The following RBFOX2 variants were observed in gnomAD, a reference collection of about 807,000 sequenced individuals.
RBFOX2 encodes RNA binding fox-1 homolog 2, also known as RNA binding protein fox-1 homolog 2.
A neutral mutation model predicts 49.1 loss-of-function variants in RBFOX2; 10 were observed. The ratio of observed to expected loss-of-function variants is 0.20; its 90% CI spans 0.13 to 0.35. RBFOX2 has a LOEUF of 0.35. RBFOX2 is among the 10% of genes least tolerant of loss of function. RBFOX2 has a pLI of 1.00. For synonymous variants in RBFOX2, 183 were observed against 187.4 expected (o/e 0.98, Z 0.19); for missense variants, 323 against 486.9 (o/e 0.66, Z 3.17).
intron 1 of RBFOX2, among the ~76,000 whole-genome samples, chr22:35,875,209 A>G (rs778361482): frequency 6.6e-6 from 1 of 152,230 alleles, no homozygotes; most frequent in East Asian, 1.9e-4. Flanking sequence ...AGACTAAGAT[A>G]ATGAGCATTA....
At chr22:35,995,022 C>T (rs918630450) in intron 1 of RBFOX2, 1 of 152,130 alleles carries the variant, frequency 6.6e-6, no homozygotes, top group African/African-American at 2.4e-5. Flanking sequence ...CTCATTTGAG[C>T]AGGTCCCAAG....
At chr22:35,897,341 C>T (rs2047978276) in intron 1 of RBFOX2, 2 of 1,367,188 alleles carry the variant, frequency 1.5e-6, no homozygotes, top group Admixed American at 3.4e-5. Context: ...GAAGCCGCAG[C>T]ACCTCAATGG....
At chr22:35,923,542 C>T (rs2149605501) in intron 1 of RBFOX2, among the ~76,000 whole-genome samples, 1 of 152,086 alleles carries the variant, frequency 6.6e-6, no homozygotes, top group East Asian at 1.9e-4. Flanking sequence ...TGGCTAACTT[C>T]CAAATCTTTT....
At chr22:35,775,122 ACTT>A (rs1028684575) in intron 4 of RBFOX2, among the ~76,000 whole-genome samples, 2 of 152,166 alleles carry the variant, frequency 1.3e-5, no homozygotes, top group Non-Finnish European at 2.9e-5. Context: ...AAGAAACTAA[ACTT>A]AATTCACAAA....
At chr22:36,012,714 A>C (rs939038404) in intron 1 of RBFOX2, among the ~76,000 whole-genome samples, 2 of 152,198 alleles carry the variant, frequency 1.3e-5, no homozygotes, top group African/African-American at 4.8e-5. Context: ...TTAAAAAAAT[A>C]GATTGTATAA....
At chr22:35,772,840 C>G (rs1246634370) in intron 4 of RBFOX2, among the ~76,000 whole-genome samples, 1 of 151,972 alleles carries the variant, frequency 6.6e-6, no homozygotes, top group Non-Finnish European at 1.5e-5. Context: ...CAATAAATAA[C>G]TAGCAATAGA....
chr22:35,897,121 T>C (rs2149416534), intron 1 of RBFOX2: 1 of 518,532 alleles, frequency 1.9e-6, no homozygotes, highest in African/African-American at 1.9e-5. Flanking sequence ...TCATTCTTTT[T>C]TTTTCTTTTT....
At chr22:35,822,617 A>C (rs1954764183) in intron 1 of RBFOX2, among the ~76,000 whole-genome samples, 2 of 152,166 alleles carry the variant, frequency 1.3e-5, no homozygotes, top group Non-Finnish European at 2.9e-5. Context: ...TCAGTATAAG[A>C]CAGAGAAGAG....
At chr22:35,882,255 C>T (rs889687921) in intron 1 of RBFOX2, among the ~76,000 whole-genome samples, 10 of 151,960 alleles carry the variant, frequency 6.6e-5, no homozygotes, top group African/African-American at 2.2e-4. Flanking sequence ...AATTAGAGAA[C>T]GAAGTGATCA....
intron 1 of RBFOX2, among the ~76,000 whole-genome samples, chr22:35,931,249 A>C (rs2052361488): frequency 6.6e-6 from 1 of 151,978 alleles, no homozygotes; most frequent in Non-Finnish European, 1.5e-5. Flanking sequence ...TAGACAACCT[A>C]ACAGGGGGGA....
chr22:35,776,169 C>A (rs1943876102), intron 4 of RBFOX2, among the ~76,000 whole-genome samples: 1 of 152,110 alleles, frequency 6.6e-6, no homozygotes, highest in South Asian at 2.1e-4. Flanking sequence ...TATCTCTAAA[C>A]CACTGTCATT....
intron 1 of RBFOX2, among the ~76,000 whole-genome samples, chr22:35,870,183 T>C (rs2044189599): frequency 6.6e-6 from 1 of 152,014 alleles, no homozygotes; most frequent in African/African-American, 2.4e-5. Context: ...AACAATAAAA[T>C]TGGAACGCAG....
intron 1 of RBFOX2, among the ~76,000 whole-genome samples, chr22:35,968,910 C>T (rs532793825): frequency 6.6e-6 from 1 of 152,290 alleles, no homozygotes; most frequent in East Asian, 1.9e-4. Context: ...GATTTTCCTC[C>T]AAGGTCTACT....
upstream of RBFOX2, among the ~76,000 whole-genome samples, chr22:35,943,122 A>G (rs2053884177): frequency 6.6e-6 from 1 of 152,230 alleles, no homozygotes; most frequent in East Asian, 1.9e-4. Context: ...CTACTTCATG[A>G]CAACTATTAG....
intron 2 of RBFOX2, among the ~76,000 whole-genome samples, chr22:35,805,357 A>T (rs1401681035): frequency 6.6e-6 from 1 of 152,034 alleles, no homozygotes; most frequent in Non-Finnish European, 1.5e-5. Context: ...ATAAGATATA[A>T]AGATAGCAAA....
chr22:36,024,817 A>AT (rs2059372041), intron 1 of RBFOX2, among the ~76,000 whole-genome samples: 1 of 151,584 alleles, frequency 6.6e-6, no homozygotes, highest in African/African-American at 2.4e-5. Context: ...GATTTTTTTT[A>AT]TTTTTTTGAG....
At chr22:35,943,622 G>A (rs1193162643), upstream of RBFOX2, among the ~76,000 whole-genome samples, 2 of 152,172 alleles carry the variant, frequency 1.3e-5, no homozygotes, top group East Asian at 3.9e-4. Flanking sequence ...CTGCTGGCCA[G>A]GCGCGGTGGC....
rs184518642 is a variant in RBFOX2 at position 35,853,112 on chromosome 22, G to A, written c.-33-43108C>T. Among the ~76,000 whole-genome samples the A allele has an allele frequency of 2.0e-3, 303 of 151,866 alleles. 1 individual carries two copies. The highest frequency in any genetic ancestry group is 2.9e-3 in the South Asian group (14 of 4,802). On this transcript the variant is annotated intron_variant, in intron 1 of 13. Transcript: ENST00000359369. ...AGTTTGAGACCAGCCTGGCCAACAT[G>A]ACGAAACTCCATCTCTACTAAAAAT...
intron 1 of RBFOX2, among the ~76,000 whole-genome samples, chr22:35,850,443 G>C (rs2041812014): frequency 6.6e-6 from 1 of 152,072 alleles, no homozygotes; most frequent in Admixed American, 6.6e-5. Flanking sequence ...CACTAGAAAA[G>C]AAGAAAGTGG....
Sources: gnomAD v4.1 joint callset for allele counts (sites outside exome capture counted in the v4.1 genomes callset) on GRCh38, gnomAD v4.1.1 for gene constraint, MANE v1.5 for transcripts, NCBI Gene and HGNC (gene_info 2026-07-23, HGNC 2026-07-21) for gene names.